The following STK32B variants were observed in gnomAD, a reference collection of about 807,000 sequenced individuals.
STK32B encodes the protein serine/threonine-protein kinase 32B.
Under a neutral mutation model 52.6 loss-of-function variants are expected in STK32B, and 43 were observed. The observed-to-expected ratio is 0.82, with a 90% CI of 0.64 to 1.05. STK32B has a LOEUF of 1.05. STK32B is among the 50% of genes least tolerant of loss of function. The pLI is 0.00. For synonymous variants in STK32B, 238 were observed against 204.3 expected (o/e 1.17, Z -1.41); for missense variants, 621 against 534.6 (o/e 1.16, Z -1.59).
chr4:5,073,041 T>C (rs1374877939), intron 1 of STK32B, among the ~76,000 whole-genome samples: 7 of 152,250 alleles, frequency 4.6e-5, no homozygotes, highest in Non-Finnish European at 8.8e-5. Flanking sequence ...TTAATTTATT[T>C]GTATCTTTGA....
chr4:5,209,722 C>A (rs893023159), intron 3 of STK32B, among the ~76,000 whole-genome samples: 4 of 152,216 alleles, frequency 2.6e-5, no homozygotes, highest in Admixed American at 2.0e-4. Context: ...TGTTAGATCC[C>A]TCATGAACAT....
At chr4:5,491,297 G>T (rs1336392902) in intron 11 of STK32B, among the ~76,000 whole-genome samples, 1 of 152,204 alleles carries the variant, frequency 6.6e-6, no homozygotes, top group African/African-American at 2.4e-5. Context: ...GTATCTCATT[G>T]TGGTTTTGAT....
intron 3 of STK32B, among the ~76,000 whole-genome samples, chr4:5,192,228 T>C (rs1721264927): frequency 6.6e-6 from 1 of 152,180 alleles, no homozygotes; most frequent in Non-Finnish European, 1.5e-5. Context: ...CACAAGGGAA[T>C]GTTGTGGATT....
At chr4:5,494,756 T>C (rs10937645) in intron 11 of STK32B, among the ~76,000 whole-genome samples, 1 of 152,350 alleles carries the variant, frequency 6.6e-6, no homozygotes, top group East Asian at 1.9e-4. Context: ...CAGGAGCTCT[T>C]TTAGGGCAGG....
intron 2 of STK32B, among the ~76,000 whole-genome samples, chr4:5,158,589 C>T (rs746425112): frequency 1.3e-5 from 2 of 152,180 alleles, no homozygotes; most frequent in East Asian, 1.9e-4. Flanking sequence ...TGTTAGTCTG[C>T]TCGAGCTGCC....
rs930647798 is a variant in STK32B, at chr4:5,058,427, T to C, written c.52+6512T>C. 2.0e-5 allele frequency among the ~76,000 whole-genome samples: 3 copies of C among 151,630 alleles called. No homozygotes were observed. The highest frequency in any genetic ancestry group is 6.6e-5 in the Admixed American group (1 of 15,238). On this transcript the variant is annotated intron_variant, in intron 1 of 11. Coordinates refer to ENST00000282908, the MANE Select transcript of STK32B (RefSeq NM_018401.3). This position sits in a 1 kb window ranked among gnomAD's most constrained non-coding sequence, Gnocchi z 4.8. The stretch of plus-strand genomic sequence containing the variant: ...TCACTCCATCTTGGAGCAACCACAG[T>C]GATCTACATGGTGGAACTTATTTCA...
At chr4:5,486,221 G>A (rs564278223) in intron 11 of STK32B, among the ~76,000 whole-genome samples, 2 of 152,294 alleles carry the variant, frequency 1.3e-5, no homozygotes, top group South Asian at 2.1e-4. Flanking sequence ...TCCTTGAGCC[G>A]TAGTGGGCTC....
At chr4:5,267,544 A>G (rs1162605090) in intron 3 of STK32B, among the ~76,000 whole-genome samples, 1 of 152,172 alleles carries the variant, frequency 6.6e-6, no homozygotes, top group Non-Finnish European at 1.5e-5. Context: ...TCTCAGGAAA[A>G]GAAATGAAAG....
chr4:5,489,413 G>A (rs1308389955), intron 11 of STK32B, among the ~76,000 whole-genome samples: 1 of 151,976 alleles, frequency 6.6e-6, no homozygotes, highest in East Asian at 1.9e-4. Context: ...GATTAAATTA[G>A]CAATACTTAA....
chr4:5,140,334 A>G, intron 2 of STK32B: 1 of 1,246,574 alleles, frequency 8.0e-7, no homozygotes, highest in Non-Finnish European at 1.0e-6. Flanking sequence ...ATCTTTGACT[A>G]TTTTTTTTGA....
At chr4:5,358,248 A>G (rs534189443) in intron 4 of STK32B, among the ~76,000 whole-genome samples, 1 of 152,362 alleles carries the variant, frequency 6.6e-6, no homozygotes, top group South Asian at 2.1e-4. Context: ...TCGTAAGTTA[A>G]CGTCAGAGAA....
rs112193103 is a variant in STK32B at position 5,376,441 on chromosome 4, A to T, written c.435-21766A>T. Reference sequence around the variant, plus strand: ...TCCCCTGCCCCCCTCTCTCCCTCTCATTGCTCCCATTTTGGCCTAGGCGTC... The same window carrying T: ...TCCCCTGCCCCCCTCTCTCCCTCTCTTTGCTCCCATTTTGGCCTAGGCGTC... On this transcript the variant is annotated intron_variant, in intron 4 of 11. Coordinates refer to ENST00000282908, the MANE Select transcript of STK32B (RefSeq NM_018401.3). 2.8e-4 allele frequency among the ~76,000 whole-genome samples: 41 copies of T among 147,412 alleles called. 1 individual carries two copies. The highest frequency in any genetic ancestry group is 8.3e-4 in the African/African-American group (33 of 39,762).
At chr4:5,175,698 G>T (rs902977928) in intron 3 of STK32B, among the ~76,000 whole-genome samples, 11 of 152,038 alleles carry the variant, frequency 7.2e-5, no homozygotes, top group African/African-American at 2.7e-4. Flanking sequence ...CGTGTGAGGT[G>T]TCAATCTGCC....
chr4:5,298,361 T>C (rs1391010859), intron 3 of STK32B, among the ~76,000 whole-genome samples: 1 of 152,150 alleles, frequency 6.6e-6, no homozygotes, highest in East Asian at 1.9e-4. Context: ...CAGGAATGTT[T>C]AAGTCTGCTG....
intron 3 of STK32B, among the ~76,000 whole-genome samples, chr4:5,176,294 C>T (rs778386934): frequency 2.0e-5 from 3 of 152,168 alleles, no homozygotes; most frequent in African/African-American, 4.8e-5. Context: ...GCATGGTGTG[C>T]TGCACCCACT....
chr4:5,262,056 T>C (rs1726744800), intron 3 of STK32B, among the ~76,000 whole-genome samples: 2 of 152,198 alleles, frequency 1.3e-5, no homozygotes, highest in South Asian at 4.1e-4. Context: ...AATTGCTGAT[T>C]CTCCGTCGTG....
intron 11 of STK32B, among the ~76,000 whole-genome samples, chr4:5,486,007 G>A (rs868436098): frequency 1.3e-5 from 2 of 152,200 alleles, no homozygotes; most frequent in Non-Finnish European, 2.9e-5. Flanking sequence ...ACTGCGGGGT[G>A]CCTCCCAGTT....
intron 11 of STK32B, among the ~76,000 whole-genome samples, chr4:5,480,497 T>G (rs549833550): frequency 6.6e-6 from 1 of 152,216 alleles, no homozygotes; most frequent in African/African-American, 2.4e-5. Flanking sequence ...ATTTTCTGGT[T>G]AACAATTAGT....
chr4:5,023,991 A>G, the STK32B span, among the ~76,000 whole-genome samples: 1 of 152,202 alleles, frequency 6.6e-6, no homozygotes, highest in Non-Finnish European at 1.5e-5. Flanking sequence ...AGCATGAGAC[A>G]CCAAAGTCTG....
Sources: gnomAD v4.1 joint callset for allele counts (sites outside exome capture counted in the v4.1 genomes callset) on GRCh38, gnomAD v4.1.1 for gene constraint, Gnocchi (gnomAD v3.1) non-coding constraint, MANE v1.5 for transcripts, NCBI Gene and HGNC (gene_info 2026-07-23, HGNC 2026-07-21) for gene names.